LDB3: variants seen among roughly 807,000 people sequenced by gnomAD.
LDB3 encodes LIM domain-binding protein 3.
A neutral mutation model predicts 69.0 loss-of-function variants in LDB3; 49 were observed. That is an observed-to-expected ratio of 0.71 (90% CI 0.56 to 0.90). The LOEUF (loss-of-function observed/expected upper bound fraction) is 0.90. Ranked by LOEUF, LDB3 falls within the 40% of genes least tolerant of loss-of-function variation. The pLI is 0.00. For synonymous variants in LDB3, 387 were observed against 396.2 expected (o/e 0.98, Z 0.28); for missense variants, 928 against 974.1 (o/e 0.95, Z 0.63).
intron 9 of LDB3, among the ~76,000 whole-genome samples, chr10:86,715,608 G>A (rs544369694): frequency 5.3e-5 from 8 of 152,132 alleles, no homozygotes; most frequent in Non-Finnish European, 1.0e-4. Context: ...CCACCAAAGC[G>A]ATGTGGGAGT....
At chr10:86,701,466 G>A (rs527805941) in intron 7 of LDB3, among the ~76,000 whole-genome samples, 3 of 152,328 alleles carry the variant, frequency 2.0e-5, no homozygotes, top group Admixed American at 2.0e-4. Flanking sequence ...GGGGCCCCAG[G>A]CTGGGTTCCA....
intron 5 of LDB3, among the ~76,000 whole-genome samples, chr10:86,690,401 C>T (rs1427365633): frequency 6.6e-6 from 1 of 152,238 alleles, no homozygotes; most frequent in Non-Finnish European, 1.5e-5. Context: ...CCCTGGGCAG[C>T]TGCAGGCTCC....
At chr10:86,689,699 C>A (rs777105518) in intron 5 of LDB3, among the ~76,000 whole-genome samples, 2 of 152,212 alleles carry the variant, frequency 1.3e-5, no homozygotes, top group Non-Finnish European at 2.9e-5. Context: ...TCCCCAGAAT[C>A]CTCATGGGAA....
intron 7 of LDB3, among the ~76,000 whole-genome samples, chr10:86,704,303 T>A (rs1846365000): frequency 6.6e-6 from 1 of 152,204 alleles, no homozygotes; most frequent in Non-Finnish European, 1.5e-5. Flanking sequence ...AGCTTTGTGA[T>A]GTTTTACTAG....
Position 86,668,751 on chromosome 10 carries a change from C to T in LDB3, c.60C>T (p.Gly20=). The T allele has an allele frequency of 6.2e-7, 1 of 1,613,298 alleles. No homozygotes were observed. The highest frequency in any genetic ancestry group is 1.1e-5 in the South Asian group (1 of 91,078). Residue 20 remains glycine (G), a synonymous_variant, in exon 2 of 14, where the codon GGC becomes GGT. Coordinates refer to ENST00000361373, the MANE Select transcript of LDB3 (RefSeq NM_007078.3). The stretch of plus-strand genomic sequence containing the variant: ...CCTGGGGCTTCCGTCTGCAGGGGGG[C>T]AAGGACTTCAACATGCCCCTCACTA... ...PGPWGFRLQG[G]KDFNMPLTIS... is the part of the protein sequence containing the mutation.
intron 5 of LDB3, chr10:86,687,034 C>T (rs373929933): frequency 3.1e-6 from 5 of 1,605,912 alleles, no homozygotes; most frequent in South Asian, 2.2e-5. Context: ...TTTCTCCTCC[C>T]TCTCCCTGCC....
chr10:86,728,586 G>GTTTTTTTTTTTGTTTTTTTTTTTTT lies in LDB3; in HGVS notation c.2094+2345_2094+2346insGTTTTTTTTTTTTTTTTTTTTTTTT. Among the ~76,000 whole-genome samples, 2 of 131,452 alleles carry GTTTTTTTTTTTGTTTTTTTTTTTTT rather than the reference G, an allele frequency of 1.5e-5. 1 individual carries two copies. Among genetic ancestry groups the GTTTTTTTTTTTGTTTTTTTTTTTTT allele is most frequent in the East Asian group, 4.6e-4 (2 of 4,312 alleles). 86.2% of individuals were successfully genotyped at this position (131,452 alleles called of 152,430 possible). A position where few individuals can be genotyped will look rare whatever the true frequency, so the allele number is the denominator to read the frequency against. ...TAGCAAAGTGGAACATGGTTCTTTT[G>GTTTTTTTTTTTGTTTTTTTTTTTTT]TTTTTTTTTTTTTTTGAGACAAAGT... On this transcript the variant is annotated intron_variant, in intron 13 of 13. Coordinates refer to ENST00000361373, the MANE Select transcript of LDB3 (RefSeq NM_007078.3).
chr10:86,687,325 ATGGGCCAT>A lies in LDB3; in HGVS notation c.690-4565_690-4558del. The A allele has an allele frequency of 2.0e-6, 3 of 1,533,692 alleles. No individual in the cohort carries two copies. The East Asian group carries it at 6.7e-5, about 34-fold the overall frequency. ...TCAGTGCCTCCAGAGCCCGAGGGGT[ATGGGCCAT>A]TGGGCACCATCGGGACCAGCTTTCT... On this transcript the variant is annotated intron_variant, in intron 5 of 13. Transcript: ENST00000361373.
intron 5 of LDB3, among the ~76,000 whole-genome samples, chr10:86,689,050 AC>A (rs11331035): frequency 0.76 from 115,136 of 151,868 alleles, 44,791 homozygotes; most frequent in Non-Finnish European, 0.87. Flanking sequence ...CCAGTGAGTA[AC>A]CCTCTTGGCC....
intron 13 of LDB3, among the ~76,000 whole-genome samples, chr10:86,728,219 T>G (rs933867435): frequency 5.9e-5 from 9 of 152,096 alleles, no homozygotes; most frequent in African/African-American, 2.2e-4. Flanking sequence ...CCAAGAGACT[T>G]GGGGAAGGTC....
intron 9 of LDB3, among the ~76,000 whole-genome samples, chr10:86,713,963 G>T (rs1244605104): frequency 6.6e-6 from 1 of 152,166 alleles, no homozygotes; most frequent in East Asian, 1.9e-4. Flanking sequence ...TAACTGGGCT[G>T]GGCTTCCCTA....
At chr10:86,687,021 C>G (rs1311315709) in intron 5 of LDB3, 1 of 1,582,316 alleles carries the variant, frequency 6.3e-7, no homozygotes, top group Non-Finnish European at 8.7e-7. Context: ...CACCTGTTGC[C>G]CTTTTCTCCT....
intron 2 of LDB3, among the ~76,000 whole-genome samples, chr10:86,670,730 C>T (rs912281814): frequency 6.6e-6 from 1 of 152,224 alleles, no homozygotes; most frequent in Non-Finnish European, 1.5e-5. Context: ...ACCCGAAGCT[C>T]GGGCAGGGCA....
At chr10:86,705,692 G>T (rs1300994609) in intron 7 of LDB3, among the ~76,000 whole-genome samples, 1 of 152,168 alleles carries the variant, frequency 6.6e-6, no homozygotes. Context: ...CTGGCAGTGT[G>T]GTCGCCTTTC....
intron 5 of LDB3, among the ~76,000 whole-genome samples, chr10:86,690,964 T>C (rs1473824091): frequency 2.0e-5 from 3 of 152,196 alleles, no homozygotes; most frequent in African/African-American, 7.2e-5. Context: ...AGTCTGTTAC[T>C]GTTGTGGGCT....
chr10:86,719,392 C>CA (rs71487276), intron 12 of LDB3, among the ~76,000 whole-genome samples: 7,313 of 134,122 alleles, frequency 0.055, 561 homozygotes, highest in African/African-American at 0.18. Context: ...TCCTGTATCT[C>CA]AAAAAAAAAA....
chr10:86,726,459 T>C, intron 13 of LDB3: 1 of 606,938 alleles, frequency 1.6e-6, no homozygotes, highest in African/African-American at 1.8e-5. Flanking sequence ...CAATGTGGCT[T>C]TGTTACTTTC....
chr10:86,711,862 C>T lies in LDB3; in HGVS notation c.1231+1812C>T, dbSNP rs376298412. Among the ~76,000 whole-genome samples the T allele has an allele frequency of 2.5e-4, 38 of 150,536 alleles. No individual in the cohort carries two copies. In the East Asian group the frequency reaches 4.5e-3, roughly 18 times the overall value. On this transcript the variant is annotated intron_variant, in intron 9 of 13. Transcript: ENST00000361373. ...CCAGGCGCTTGCGGAGAGCCGGGCC[C>T]GGCCCGGCGTGAGTCAGAAATCACC... is the stretch of plus-strand genomic sequence containing the variant.
chr10:86,696,872 T>G (rs1448287234), intron 7 of LDB3, among the ~76,000 whole-genome samples: 1 of 152,218 alleles, frequency 6.6e-6, no homozygotes, highest in African/African-American at 2.4e-5. Context: ...TGAGTTTCTG[T>G]GTGGCTTTAG....
Sources: gnomAD v4.1 joint callset for allele counts (sites outside exome capture counted in the v4.1 genomes callset) on GRCh38, gnomAD v4.1.1 for gene constraint, MANE v1.5 for transcripts, NCBI Gene and HGNC (gene_info 2026-07-23, HGNC 2026-07-21) for gene names.